Variants in RARB observed in about 807,000 individuals in gnomAD.
RARB encodes the protein retinoic acid receptor beta, also known as HBV-activated protein.
A neutral mutation model predicts 51.9 loss-of-function variants in RARB; 17 were observed. The ratio of observed to expected loss-of-function variants is 0.33; its 90% CI spans 0.22 to 0.49. RARB has a LOEUF of 0.49. Among genes scored for constraint, RARB ranks in the 20% least tolerant of loss-of-function variants. RARB has a pLI of 0.99. For missense variants in RARB, 369 were observed against 550.8 expected (o/e 0.67, Z 3.30); for synonymous variants, 215 against 195.4 (o/e 1.10, Z -0.84).
chr3:25,172,168 G>A (rs13068891), intron 4 of RARB, among the ~76,000 whole-genome samples: 14,182 of 152,154 alleles, frequency 0.093, 875 homozygotes, highest in South Asian at 0.24. Context: ...AATAGGCCAG[G>A]GATTCAAGGC....
chr3:25,220,951 G>A (rs973527937), intron 5 of RARB, among the ~76,000 whole-genome samples: 2 of 152,086 alleles, frequency 1.3e-5, no homozygotes, highest in South Asian at 2.1e-4. Context: ...TTGCAAAAGT[G>A]TAAAGCAATG....
chr3:25,307,373 C>T (rs1006552069), intron 5 of RARB, among the ~76,000 whole-genome samples: 25 of 149,682 alleles, frequency 1.7e-4, no homozygotes, highest in Non-Finnish European at 2.5e-4. Context: ...TGAGACAGAA[C>T]GAAACTCTGT....
At chr3:25,279,170 C>T (rs535945108) in intron 5 of RARB, among the ~76,000 whole-genome samples, 1 of 152,272 alleles carries the variant, frequency 6.6e-6, no homozygotes, top group Admixed American at 6.5e-5. Context: ...CATCAAAATG[C>T]AGAAGGTTAC....
At chr3:25,140,923 A>G (rs537722186) in intron 4 of RARB, among the ~76,000 whole-genome samples, 3 of 152,270 alleles carry the variant, frequency 2.0e-5, no homozygotes, top group Admixed American at 6.5e-5. Flanking sequence ...ACAATAAACT[A>G]TTTTAAAATT....
At chr3:24,872,883 C>G (rs1008452363) in intron 2 of RARB, among the ~76,000 whole-genome samples, 1 of 152,150 alleles carries the variant, frequency 6.6e-6, no homozygotes. Context: ...CTTACTCATC[C>G]CTGCGCGTTG....
chr3:25,133,770 G>A (rs539658711), intron 4 of RARB, among the ~76,000 whole-genome samples: 61 of 151,846 alleles, frequency 4.0e-4, no homozygotes, highest in African/African-American at 1.3e-3. Context: ...GCAGACACGC[G>A]TCCAAGACAA....
chr3:24,952,808 T>A (rs1695926000), intron 2 of RARB, among the ~76,000 whole-genome samples: 1 of 152,094 alleles, frequency 6.6e-6, no homozygotes, highest in African/African-American at 2.4e-5. Context: ...CCCTAAATTG[T>A]CTATGTAACT....
intron 5 of RARB, among the ~76,000 whole-genome samples, chr3:25,350,093 A>G (rs1705514612): frequency 6.6e-6 from 1 of 152,030 alleles, no homozygotes; most frequent in Non-Finnish European, 1.5e-5. Flanking sequence ...AAAAGCAGAA[A>G]CTACCAGACT....
intron 4 of RARB, among the ~76,000 whole-genome samples, chr3:25,578,721 T>C (rs1701048946): frequency 6.6e-6 from 1 of 152,236 alleles, no homozygotes; most frequent in Non-Finnish European, 1.5e-5. Flanking sequence ...AGGAACGTCG[T>C]GGAAGGCAAA....
intron 5 of RARB, among the ~76,000 whole-genome samples, chr3:25,180,487 A>G (rs1700839761): frequency 6.6e-6 from 1 of 152,098 alleles, no homozygotes; most frequent in Non-Finnish European, 1.5e-5. Flanking sequence ...TCCATCTGCA[A>G]CTCCTATAGA....
At chr3:25,348,848 G>A (rs1705474807) in intron 5 of RARB, among the ~76,000 whole-genome samples, 1 of 152,146 alleles carries the variant, frequency 6.6e-6, no homozygotes, top group African/African-American at 2.4e-5. Flanking sequence ...GATTAAGTCG[G>A]TCTGGGGTAG....
intron 3 of RARB, among the ~76,000 whole-genome samples, chr3:25,562,600 A>C (rs1185043030): frequency 6.6e-6 from 1 of 152,164 alleles, no homozygotes; most frequent in East Asian, 1.9e-4. Context: ...TTGAGTTCCT[A>C]CTTTTATACA....
At chr3:24,932,674 C>A (rs1695465998) in intron 2 of RARB, among the ~76,000 whole-genome samples, 1 of 152,022 alleles carries the variant, frequency 6.6e-6, no homozygotes, top group African/African-American at 2.4e-5. Context: ...AAACTGAGGG[C>A]CAATAGCATT....
At chr3:25,480,112 A>G (rs576628127) in intron 2 of RARB, among the ~76,000 whole-genome samples, 1 of 152,344 alleles carries the variant, frequency 6.6e-6, no homozygotes, top group South Asian at 2.1e-4. Context: ...TAAACCAGTA[A>G]TTTCCATTGG....
chr3:25,446,662 G>T (rs1708951071), intron 1 of RARB, among the ~76,000 whole-genome samples: 1 of 151,780 alleles, frequency 6.6e-6, no homozygotes, highest in African/African-American at 2.4e-5. Context: ...AATTAGCCGG[G>T]CGTGGTGGCA....
At chr3:24,976,727 G>A (rs1024651839) in intron 2 of RARB, among the ~76,000 whole-genome samples, 11 of 152,102 alleles carry the variant, frequency 7.2e-5, no homozygotes, top group African/African-American at 2.7e-4. Flanking sequence ...TCACCCTGAT[G>A]GTAGTTTATT....
chr3:25,538,935 T>C (rs1019032160), intron 3 of RARB, among the ~76,000 whole-genome samples: 4 of 152,226 alleles, frequency 2.6e-5, no homozygotes, highest in African/African-American at 9.6e-5. Context: ...GCCAGCATTT[T>C]CCAAGATACT....
intron 2 of RARB, among the ~76,000 whole-genome samples, chr3:24,898,818 T>C (rs1703535266): frequency 1.3e-5 from 2 of 152,198 alleles, no homozygotes; most frequent in Admixed American, 6.5e-5. Context: ...TTGCGAAATA[T>C]GGCTGCTTCT....
chr3:24,877,556 C>T lies in RARB; in HGVS notation c.-380+18804C>T, dbSNP rs571827395. The stretch of plus-strand genomic sequence containing the variant: ...TTCACTTCTAAAGATGATGGTTCAA[C>T]AAGACCACAGCCAAGATACCAGGTA... On this transcript the variant is annotated intron_variant, in intron 2 of 11. Coordinates refer to the RARB transcript ENST00000383772. 3.7e-4 allele frequency among the ~76,000 whole-genome samples: 56 copies of T among 152,138 alleles called. No homozygotes were observed. In the South Asian group the frequency reaches 0.011, roughly 30 times the overall value.
Sources: allele counts gnomAD v4.1 joint callset (sites outside exome capture counted in the v4.1 genomes callset), GRCh38; gene constraint gnomAD v4.1.1; transcripts MANE v1.5; gene names NCBI Gene and HGNC (gene_info 2026-07-23, HGNC 2026-07-21).